The following UMAD1 variants were observed in gnomAD, a reference collection of about 807,000 sequenced individuals.
The protein encoded by UMAD1 is UBAP1-MVB12-associated (UMA) domain containing 1.
A neutral mutation model predicts 6.1 loss-of-function variants in UMAD1; 8 were observed. The observed-to-expected ratio is 1.30, with a 90% confidence interval of 0.76 to 2.35. UMAD1 has a LOEUF of 2.35. Among genes scored for constraint, UMAD1 ranks in the 30% most tolerant of loss-of-function variants. The probability of loss-of-function intolerance (pLI) is 0.00; values close to 1 mark genes in which losing one functional copy is unlikely to be tolerated. For synonymous variants in UMAD1, 56 were observed against 31.4 expected (o/e 1.78, Z -2.61); for missense variants, 130 against 78.4 (o/e 1.66, Z -2.49).
At chr7:7,673,501 T>A in intron 2 of UMAD1, 48 bp downstream of exon 2, 1 of 682,404 alleles carries the variant, frequency 1.5e-6, no homozygotes, top group Non-Finnish European at 2.6e-6. Flanking sequence ...ATGTTCTCTT[T>A]AAAAAATTAC....
chr7:7,657,194 T>C (rs1462757139), intron 1 of UMAD1, among the ~76,000 whole-genome samples: 3 of 152,234 alleles, frequency 2.0e-5, no homozygotes, highest in Non-Finnish European at 4.4e-5. Context: ...TTAAATTCTT[T>C]CTAGAGTCTG....
chr7:7,715,095 G>C (rs1002833800), intron 2 of UMAD1: 1 of 151,930 alleles, frequency 6.6e-6, no homozygotes, highest in Admixed American at 6.5e-5. Flanking sequence ...AGTGTTTTAC[G>C]AGATGAACTC....
chr7:7,850,249 T>C (rs1246421675), intron 3 of UMAD1, among the ~76,000 whole-genome samples: 2 of 152,150 alleles, frequency 1.3e-5, no homozygotes, highest in African/African-American at 4.8e-5. Context: ...TTTTACAAAT[T>C]ACAAATATTG....
intron 2 of UMAD1, among the ~76,000 whole-genome samples, chr7:7,782,407 T>C (rs1262852789): frequency 6.6e-6 from 1 of 152,190 alleles, no homozygotes; most frequent in Non-Finnish European, 1.5e-5. Context: ...TACCAGTATT[T>C]GTGTCAGGGG....
At chr7:7,708,682 TC>T (rs1457651976) in intron 2 of UMAD1, among the ~76,000 whole-genome samples, 1 of 152,188 alleles carries the variant, frequency 6.6e-6, no homozygotes, top group Non-Finnish European at 1.5e-5. Context: ...GTTTTGGCCA[TC>T]TTAAAATTAT....
intron 2 of UMAD1, among the ~76,000 whole-genome samples, chr7:7,795,821 C>T (rs1319073904): frequency 6.6e-6 from 1 of 152,194 alleles, no homozygotes; most frequent in Non-Finnish European, 1.5e-5. Flanking sequence ...CCAGAGGCCA[C>T]TTTCATCACC....
chr7:7,795,815 AG>A (rs1782665226), intron 2 of UMAD1, among the ~76,000 whole-genome samples: 1 of 152,202 alleles, frequency 6.6e-6, no homozygotes, highest in African/African-American at 2.4e-5. Flanking sequence ...GGATGACCAG[AG>A]GCCACTTTCA....
intron 1 of UMAD1, chr7:7,641,260 C>G (rs766224938): frequency 2.6e-5 from 4 of 152,190 alleles, no homozygotes; most frequent in African/African-American, 9.7e-5. Context: ...GGTTCTTTCA[C>G]CCCGCTAACC....
chr7:7,868,512 G>A (rs115633102), intron 3 of UMAD1: 71 of 151,712 alleles, frequency 4.7e-4, no homozygotes, highest in African/African-American at 1.6e-3. Flanking sequence ...AGAAAGATTG[G>A]AGAACCACGG....
chr7:7,712,173 A>G (rs967017499), intron 2 of UMAD1, among the ~76,000 whole-genome samples: 10 of 152,106 alleles, frequency 6.6e-5, no homozygotes, highest in South Asian at 2.1e-4. Context: ...CTGCTTTTCT[A>G]TATAATGAAG....
intron 2 of UMAD1, among the ~76,000 whole-genome samples, chr7:7,674,851 C>G (rs950503536): frequency 6.6e-6 from 1 of 152,212 alleles, no homozygotes; most frequent in East Asian, 1.9e-4. Context: ...TGTGAAGTTT[C>G]TCTTTTTCAG....
intron 2 of UMAD1, among the ~76,000 whole-genome samples, chr7:7,773,145 TTAAAA>T (rs549362804): frequency 7.0e-4 from 107 of 152,310 alleles, no homozygotes; most frequent in African/African-American, 2.4e-3. Context: ...AAAACAAAGC[TTAAAA>T]TAAAGAATTG....
chr7:7,686,772 G>A (rs940044949), intron 2 of UMAD1, among the ~76,000 whole-genome samples: 5 of 152,176 alleles, frequency 3.3e-5, no homozygotes, highest in African/African-American at 1.2e-4. Flanking sequence ...CCGTTTTCCA[G>A]TTAGGTGTGA....
At chr7:7,822,404 G>A (rs144323524) in intron 3 of UMAD1, among the ~76,000 whole-genome samples, 40 of 152,124 alleles carry the variant, frequency 2.6e-4, no homozygotes, top group African/African-American at 9.1e-4. Flanking sequence ...GAGCCTGGTC[G>A]TTTTGTTTTT....
chr7:7,874,693 A>T (rs368143226), intron 3 of UMAD1, among the ~76,000 whole-genome samples: 14 of 152,314 alleles, frequency 9.2e-5, no homozygotes, highest in Admixed American at 5.9e-4. Context: ...AGCCTGGGTG[A>T]CAAGAGCAAA....
chr7:7,850,806 A>T (rs1783900875), intron 3 of UMAD1, among the ~76,000 whole-genome samples: 1 of 152,102 alleles, frequency 6.6e-6, no homozygotes, highest in Non-Finnish European at 1.5e-5. Flanking sequence ...GAAGTGAAGG[A>T]TTTGGGGGTC....
rs115121737 is a variant in UMAD1 at position 7,713,385 on chromosome 7, G to A, written c.82+39932G>A. ...AAAACAAACAAACAAACAAATCTAA[G>A]TTTATAGACAGAGTTTTTTTTTTTT... is the stretch of plus-strand genomic sequence containing the variant. On this transcript the variant is annotated intron_variant, in intron 2 of 3. Transcript: ENST00000682710. 1.9e-3 allele frequency among the ~76,000 whole-genome samples: 283 copies of A among 149,826 alleles called. 3 individuals are homozygous for A. The highest frequency in any genetic ancestry group is 6.8e-3 in the African/African-American group (275 of 40,514).
rs548654628 is a variant in UMAD1 at position 7,815,847 on chromosome 7, A to C, written c.156+14104A>C. 4.6e-5 allele frequency among the ~76,000 whole-genome samples: 7 copies of C among 152,296 alleles called. No individual in the cohort carries two copies. The South Asian group carries it at 1.2e-3, about 27-fold the overall frequency. On this transcript the variant is annotated intron_variant, in intron 3 of 3. Transcript: ENST00000682710. ...AGGAAGGATGAATATTGGGTAGGCTACAAGAGGTCTCTGACATAGATATCA... is the reference window on the plus strand; with the variant it reads ...AGGAAGGATGAATATTGGGTAGGCTCCAAGAGGTCTCTGACATAGATATCA...
intron 3 of UMAD1, among the ~76,000 whole-genome samples, chr7:7,823,672 G>T (rs7785003): frequency 6.6e-6 from 1 of 151,708 alleles, no homozygotes; most frequent in Non-Finnish European, 1.5e-5. Context: ...TTTTATTTTT[G>T]AAAAACATAT....
Sources: gnomAD v4.1 joint callset for allele counts (sites outside exome capture counted in the v4.1 genomes callset) on GRCh38, gnomAD v4.1.1 for gene constraint, MANE v1.5 for transcripts, NCBI Gene and HGNC (gene_info 2026-07-23, HGNC 2026-07-21) for gene names.